CLIC4: variants seen among roughly 807,000 people sequenced by gnomAD.
The protein encoded by CLIC4 is chloride intracellular channel protein 4.
In CLIC4, 13 loss-of-function variants were observed where a neutral mutation model predicts 24.6. The ratio of observed to expected loss-of-function variants is 0.53; its 90% CI spans 0.34 to 0.84. The LOEUF (loss-of-function observed/expected upper bound fraction) is 0.84. Ranked by LOEUF, CLIC4 falls within the 40% of genes least tolerant of loss-of-function variation. The pLI is 0.01. For synonymous variants in CLIC4, 104 were observed against 111.3 expected, an observed-to-expected ratio of 0.93 and a Z score of 0.41; for missense variants, 227 against 301.7, an observed-to-expected ratio of 0.75 and a Z score of 1.83.
chr1:24,826,795 G>A (rs1639790939), intron 3 of CLIC4, among the ~76,000 whole-genome samples: 1 of 152,216 alleles, frequency 6.6e-6, no homozygotes. Flanking sequence ...CCCTGTGGTT[G>A]CCAAGAATAT....
At chr1:24,798,259 T>G (rs1639426495) in intron 2 of CLIC4, among the ~76,000 whole-genome samples, 1 of 152,164 alleles carries the variant, frequency 6.6e-6, no homozygotes, top group Admixed American at 6.5e-5. Flanking sequence ...TTTTAGGAGG[T>G]TGAATACCGT....
chr1:24,767,208 T>C (rs937107310), intron 1 of CLIC4, among the ~76,000 whole-genome samples: 5 of 152,044 alleles, frequency 3.3e-5, no homozygotes, highest in African/African-American at 1.2e-4. Flanking sequence ...TCCCGAGCCA[T>C]GTGGCCTGTG....
At chr1:24,808,282 A>T (rs768694099) in intron 2 of CLIC4, among the ~76,000 whole-genome samples, 3 of 152,134 alleles carry the variant, frequency 2.0e-5, no homozygotes, top group Non-Finnish European at 4.4e-5. Context: ...GGATTGGTTC[A>T]AGGACCCCTG....
intron 1 of CLIC4, among the ~76,000 whole-genome samples, chr1:24,788,121 GGATT>G (rs1485983132): frequency 6.6e-6 from 1 of 152,076 alleles, no homozygotes; most frequent in East Asian, 1.9e-4. Flanking sequence ...CAAAGTGCTG[GGATT>G]ACAGGCATGA....
intron 1 of CLIC4, among the ~76,000 whole-genome samples, chr1:24,781,087 CAAA>C (rs1228000908): frequency 1.8e-4 from 11 of 61,960 alleles, no homozygotes; most frequent in Non-Finnish European, 2.8e-4. Flanking sequence ...AACTCCATCT[CAAA>C]AAAAAAAAAA....
At chr1:24,821,421 G>A (rs553338244) in intron 3 of CLIC4, among the ~76,000 whole-genome samples, 2 of 152,074 alleles carry the variant, frequency 1.3e-5, no homozygotes, top group Non-Finnish European at 2.9e-5. Context: ...TAGAAACATT[G>A]TAACCAGAGA....
chr1:24,810,401 T>C (rs1045589421), intron 2 of CLIC4, among the ~76,000 whole-genome samples: 1 of 152,200 alleles, frequency 6.6e-6, no homozygotes, highest in East Asian at 1.9e-4. Context: ...TAGCAGTTGC[T>C]TCCTTGTGGT....
chr1:24,783,120 TC>T (rs542948202), intron 1 of CLIC4, among the ~76,000 whole-genome samples: 2 of 152,246 alleles, frequency 1.3e-5, no homozygotes, highest in Non-Finnish European at 2.9e-5. Flanking sequence ...TGGCATTTTA[TC>T]CCCAAATACT....
intron 4 of CLIC4, among the ~76,000 whole-genome samples, chr1:24,827,839 A>C (rs1475352884): frequency 1.3e-5 from 2 of 151,652 alleles, no homozygotes; most frequent in Admixed American, 6.6e-5. Flanking sequence ...CATTCAGTGA[A>C]CCTTGTCTTA....
At chr1:24,759,465 A>C (rs1571230627) in intron 1 of CLIC4, among the ~76,000 whole-genome samples, 1 of 150,882 alleles carries the variant, frequency 6.6e-6, no homozygotes, top group East Asian at 1.9e-4. Context: ...CCTATACAAT[A>C]CGTGACTTTT....
intron 3 of CLIC4, among the ~76,000 whole-genome samples, chr1:24,820,131 G>A (rs1433962087): frequency 7.4e-6 from 1 of 134,982 alleles, no homozygotes; most frequent in African/African-American, 2.7e-5. Flanking sequence ...AGGCTGGAGT[G>A]CAGTGTTGCT....
At chr1:24,825,388 C>T (rs1181124859) in intron 3 of CLIC4, among the ~76,000 whole-genome samples, 2 of 150,848 alleles carry the variant, frequency 1.3e-5, no homozygotes, top group South Asian at 2.1e-4. Flanking sequence ...CAAGGAAAAT[C>T]CAGGGATGGT....
chr1:24,805,182 C>T (rs1639537569), intron 2 of CLIC4, among the ~76,000 whole-genome samples: 2 of 150,162 alleles, frequency 1.3e-5, no homozygotes, highest in Admixed American at 6.6e-5. Context: ...TTGAAGTATT[C>T]CTCCACAGAT....
At chr1:24,799,715 CG>C in intron 2 of CLIC4, among the ~76,000 whole-genome samples, 1 of 136,946 alleles carries the variant, frequency 7.3e-6, no homozygotes, top group African/African-American at 2.7e-5. Context: ...GTCAGCCCCC[CG>C]CCCGGCCAGC....
intron 3 of CLIC4, among the ~76,000 whole-genome samples, chr1:24,821,865 C>T (rs534592943): frequency 3.3e-5 from 5 of 152,220 alleles, no homozygotes; most frequent in Admixed American, 6.5e-5. Context: ...GGATTACAGG[C>T]GTGAGCCACC....
intron 2 of CLIC4, among the ~76,000 whole-genome samples, chr1:24,808,290 C>G (rs915899928): frequency 6.6e-6 from 1 of 152,098 alleles, no homozygotes; most frequent in Non-Finnish European, 1.5e-5. Context: ...TCAAGGACCC[C>G]TGGTGGATAC....
At chr1:24,747,095 ATTTTT>A (rs749648001) in intron 1 of CLIC4, among the ~76,000 whole-genome samples, 1 of 120,270 alleles carries the variant, frequency 8.3e-6, no homozygotes. Flanking sequence ...TCAATTTTCG[ATTTTT>A]TTTTTTTTTT....
Position 24,814,090 on chromosome 1 carries a change from A to G in CLIC4, c.183-4A>G. 1 of 1,613,394 alleles carries G rather than the reference A, an allele frequency of 6.2e-7. No homozygotes were observed. ...CTGATTTTGACCAATATTTTGCCCAACAGGAAGCCAGCAGACCTGCAGAAC... is the reference window on the plus strand; with the variant it reads ...CTGATTTTGACCAATATTTTGCCCAGCAGGAAGCCAGCAGACCTGCAGAAC... On this transcript the variant is annotated splice_polypyrimidine_tract_variant and splice_region_variant and intron_variant, in intron 2 of 5. Transcript: ENST00000374379.
chr1:24,820,267 C>CTT (rs372726009), intron 3 of CLIC4, among the ~76,000 whole-genome samples: 2,658 of 49,750 alleles, frequency 0.053, 539 homozygotes, highest in African/African-American at 0.099. Flanking sequence ...CCTTTTTGGT[C>CTT]TTTTTTTTTT....
Sources: gnomAD v4.1 joint callset for allele counts (sites outside exome capture counted in the v4.1 genomes callset) on GRCh38, gnomAD v4.1.1 for gene constraint, MANE v1.5 for transcripts, NCBI Gene and HGNC (gene_info 2026-07-23, HGNC 2026-07-21) for gene names.